Variants in AP3B1 observed in about 807,000 individuals in gnomAD.
AP3B1 encodes AP-3 complex subunit beta-1.
AP3B1 carries 61 observed loss-of-function variants against 132.5 expected under a neutral mutation model. The observed-to-expected ratio is 0.46, with a 90% confidence interval of 0.37 to 0.57. AP3B1 has a LOEUF of 0.57. AP3B1 is among the 20% of genes least tolerant of loss of function. The pLI is 0.00. For synonymous variants in AP3B1, 388 were observed against 438.3 expected (o/e 0.89, Z 1.43); for missense variants, 1,120 against 1,289.4 (o/e 0.87, Z 2.01).
intron 21 of AP3B1, 140 bp downstream of exon 21, chr5:78,100,813 A>C: frequency 1.8e-6 from 1 of 561,924 alleles, no homozygotes; most frequent in Non-Finnish European, 3.1e-6. Flanking sequence ...ACTGATTTCC[A>C]AAACTTTCTT....
At chr5:78,192,599 G>A (rs780814110) in intron 7 of AP3B1, among the ~76,000 whole-genome samples, 3 of 152,182 alleles carry the variant, frequency 2.0e-5, no homozygotes, top group South Asian at 2.1e-4. Flanking sequence ...CCAAAATTGC[G>A]CCACTGCACT....
At chr5:78,097,142 C>T (rs1165774912) in intron 21 of AP3B1, among the ~76,000 whole-genome samples, 134 of 114,682 alleles carry the variant, frequency 1.2e-3, no homozygotes, top group South Asian at 0.01. Context: ...CCAGCCGCCC[C>T]GTCCGGGAGG....
At position 78,216,339 on chromosome 5, in the gene AP3B1, A is replaced by AAAGTATTC; in HGVS notation, c.604-110_604-103dup. 8.5e-6 allele frequency: 9 copies of AAAGTATTC among 1,061,202 alleles called. 1 individual carries two copies. The highest frequency in any genetic ancestry group is 6.0e-5 in the Admixed American group (3 of 49,992). The allele number at this position is 1,061,202 out of a possible 1,614,324, so 65.7% of individuals were successfully genotyped here. On this transcript the variant is annotated intron_variant, in intron 6 of 26. Coordinates refer to ENST00000255194, the MANE Select transcript of AP3B1 (RefSeq NM_003664.5). ...AATCAGTTTCATGCCAATCAGTATT[A>AAAGTATTC]AAGTATTCAGTCATTCAATTAAAAT... is the stretch of plus-strand genomic sequence containing the variant.
At chr5:78,113,582 G>T (rs1265318111) in intron 19 of AP3B1, among the ~76,000 whole-genome samples, 170 bp downstream of exon 19, 2 of 152,124 alleles carry the variant, frequency 1.3e-5, no homozygotes, top group African/African-American at 4.8e-5. Flanking sequence ...AGCATTACAA[G>T]TAGGAAAATA....
At chr5:78,215,456 C>T (rs571892848) in intron 7 of AP3B1, among the ~76,000 whole-genome samples, 15 of 151,978 alleles carry the variant, frequency 9.9e-5, no homozygotes, top group South Asian at 2.1e-4. Flanking sequence ...AAGAATAAGG[C>T]GTACTTCTAA....
chr5:78,289,546 A>C (rs1749421292), intron 1 of AP3B1, among the ~76,000 whole-genome samples: 1 of 152,192 alleles, frequency 6.6e-6, no homozygotes, highest in East Asian at 1.9e-4. Flanking sequence ...CTGCATTGCT[A>C]AGTTACTGGC....
intron 1 of AP3B1, among the ~76,000 whole-genome samples, chr5:78,278,890 A>C (rs957433331): frequency 6.6e-6 from 1 of 152,070 alleles, no homozygotes; most frequent in Non-Finnish European, 1.5e-5. Flanking sequence ...CCTTATGAGA[A>C]TCTAATGCCT....
intron 6 of AP3B1, among the ~76,000 whole-genome samples, chr5:78,224,842 T>C (rs939939956): frequency 1.3e-5 from 2 of 152,020 alleles, no homozygotes; most frequent in Non-Finnish European, 2.9e-5. Flanking sequence ...CCTAAATAGA[T>C]GAAGCAAACA....
chr5:78,140,576 C>T (rs74519340), intron 15 of AP3B1, among the ~76,000 whole-genome samples: 4,675 of 152,242 alleles, frequency 0.031, 140 homozygotes, highest in East Asian at 0.14. Flanking sequence ...TTTCTAAGAG[C>T]ATAAAGTTCA....
At position 78,267,427 on chromosome 5, in the gene AP3B1, TTGG is replaced by T. The variant is rs556260890; in HGVS notation, c.204+90_204+92del. On this transcript the variant is annotated intron_variant, in intron 2 of 26. Transcript: ENST00000255194. ...ATTAAGGGCAAACAGAATATTAGACTTGGTATTTAACGTATTTTTATATATATA... is the reference window on the plus strand; with the variant it reads ...ATTAAGGGCAAACAGAATATTAGACTTATTTAACGTATTTTTATATATATA... The T allele has an allele frequency of 2.6e-4, 136 of 518,646 alleles. No individual in the cohort carries two copies. The African/African-American group carries it at 2.7e-3, about 10-fold the overall frequency. The allele number at this position is 518,646 out of a possible 1,614,324, so 32.1% of individuals were successfully genotyped here.
At chr5:78,107,478 C>T (rs1207106765) in intron 20 of AP3B1, among the ~76,000 whole-genome samples, 1 of 152,052 alleles carries the variant, frequency 6.6e-6, no homozygotes, top group Non-Finnish European at 1.5e-5. Flanking sequence ...CTGAATGCCA[C>T]AGTTGGCAGA....
rs1168746418 is a variant in AP3B1 at position 78,110,798 on chromosome 5, CAG to C, written c.2250-446_2250-445del. On this transcript the variant is annotated intron_variant, in intron 19 of 26. Transcript: ENST00000255194. The stretch of plus-strand genomic sequence containing the variant: ...TACGTATATATATACGTATATGAGA[CAG>C]GGTCTCATTGTACAGTGGTGCAATC... Among the ~76,000 whole-genome samples, 7 of 147,594 alleles carry C rather than the reference CAG, an allele frequency of 4.7e-5. No homozygotes were observed. The East Asian group carries it at 1.4e-3, about 29-fold the overall frequency.
intron 11 of AP3B1, among the ~76,000 whole-genome samples, chr5:78,171,522 A>G (rs1378619540): frequency 6.6e-6 from 1 of 152,040 alleles, no homozygotes. Flanking sequence ...TCACTCATTA[A>G]TTTGGCTTTC....
intron 21 of AP3B1, among the ~76,000 whole-genome samples, chr5:78,093,814 T>C (rs1298248041): frequency 6.6e-6 from 1 of 152,200 alleles, no homozygotes; most frequent in East Asian, 1.9e-4. Context: ...ATTAAATGAC[T>C]CCCAAAAGTA....
At chr5:78,183,141 C>T (rs975686389) in intron 7 of AP3B1, among the ~76,000 whole-genome samples, 3 of 152,154 alleles carry the variant, frequency 2.0e-5, no homozygotes, top group Non-Finnish European at 2.9e-5. Context: ...CAGAGAAAGA[C>T]GGTTGGGGAG....
At chr5:78,241,336 C>T (rs1212007030) in intron 2 of AP3B1, among the ~76,000 whole-genome samples, 1 of 151,968 alleles carries the variant, frequency 6.6e-6, no homozygotes, top group East Asian at 1.9e-4. Context: ...AGGCTACAGG[C>T]GTATGTCATC....
At chr5:78,143,846 T>C (rs1187318459) in intron 14 of AP3B1, among the ~76,000 whole-genome samples, 3 of 151,998 alleles carry the variant, frequency 2.0e-5, no homozygotes, top group Non-Finnish European at 4.4e-5. Flanking sequence ...ATACCCTGTC[T>C]CTACTAAATA....
intron 24 of AP3B1, among the ~76,000 whole-genome samples, chr5:78,033,046 A>G (rs952842165): frequency 6.6e-6 from 1 of 152,112 alleles, no homozygotes; most frequent in African/African-American, 2.4e-5. Flanking sequence ...AGGAATCAAA[A>G]GGTTCTTTAT....
chr5:78,003,069 AAG>A lies in AP3B1; in HGVS notation c.3132-16_3132-15del, dbSNP rs1436005792. On this transcript the variant is annotated splice_polypyrimidine_tract_variant and intron_variant, in intron 26 of 26. Coordinates refer to ENST00000255194, the MANE Select transcript of AP3B1 (RefSeq NM_003664.5). ...TTAGCTGCAAACCTGGAAGAGAAAA[AAG>A]AGAGACCTTTTATCATAAGATGGGG... 6.2e-7 allele frequency: 1 copy of A among 1,613,838 alleles called. No homozygotes were observed. The highest frequency in any genetic ancestry group is 1.3e-5 in the African/African-American group (1 of 75,056).
Sources: allele counts gnomAD v4.1 joint callset (sites outside exome capture counted in the v4.1 genomes callset), GRCh38; gene constraint gnomAD v4.1.1; transcripts MANE v1.5; gene names NCBI Gene and HGNC (gene_info 2026-07-23, HGNC 2026-07-21).